Variants in ZNF536 observed in about 807,000 individuals in gnomAD.
ZNF536 encodes the protein zinc finger protein 536.
A neutral mutation model predicts 84.5 loss-of-function variants in ZNF536; 13 were observed. The ratio of observed to expected loss-of-function variants is 0.15; its 90% CI spans 0.10 to 0.24. ZNF536 has a LOEUF of 0.24. ZNF536 is among the 10% of genes least tolerant of loss of function. The pLI is 1.00. For missense variants in ZNF536, 1,536 were observed against 1,747.5 expected, an observed-to-expected ratio of 0.88 and a Z score of 2.16; for synonymous variants, 811 against 742.5, an observed-to-expected ratio of 1.09 and a Z score of -1.50.
chr19:30,303,158 G>T (rs144564858), intron 2 of ZNF536, among the ~76,000 whole-genome samples: 1 of 152,160 alleles, frequency 6.6e-6, no homozygotes, highest in Non-Finnish European at 1.5e-5. Flanking sequence ...TCTGAGGCTC[G>T]GCTGGTGTCC....
intron 1 of ZNF536, among the ~76,000 whole-genome samples, chr19:30,420,845 T>G (rs1182261655): frequency 6.6e-6 from 1 of 152,208 alleles, no homozygotes; most frequent in Non-Finnish European, 1.5e-5. Flanking sequence ...GGAGTCTTTA[T>G]CTTCAGAGGA....
chr19:30,414,734 TTAAATA>T (rs2147757228), intron 1 of ZNF536, among the ~76,000 whole-genome samples: 1 of 152,372 alleles, frequency 6.6e-6, no homozygotes, highest in East Asian at 1.9e-4. Flanking sequence ...TTATTTGAAC[TTAAATA>T]TAAATATAAA....
intron 2 of ZNF536, among the ~76,000 whole-genome samples, chr19:30,317,648 C>A (rs767107953): frequency 6.6e-6 from 1 of 152,164 alleles, no homozygotes; most frequent in African/African-American, 2.4e-5. Flanking sequence ...GCTGCTGGAG[C>A]GGGGCTGGGC....
At chr19:30,466,739 GGGAAGGAAGAAAGGAGGGAA>G (rs1402554851) in intron 2 of ZNF536, among the ~76,000 whole-genome samples, 6,480 of 122,038 alleles carry the variant, frequency 0.053, 246 homozygotes, top group African/African-American at 0.092. Flanking sequence ...GAGGGAGGGA[GGGAAGGAAGAAAGGAGGGAA>G]GGAAGGAAGG....
chr19:30,294,968 C>T (rs776679528), intron 2 of ZNF536, among the ~76,000 whole-genome samples: 2 of 152,150 alleles, frequency 1.3e-5, no homozygotes, highest in Non-Finnish European at 2.9e-5. Flanking sequence ...GAGCCTCAGG[C>T]CATTGCAGCT....
chr19:30,432,566 C>T (rs975166654), intron 1 of ZNF536, among the ~76,000 whole-genome samples: 8 of 152,092 alleles, frequency 5.3e-5, no homozygotes, highest in Non-Finnish European at 7.4e-5. Flanking sequence ...ACTTTTTCAC[C>T]ATTAAAAAGA....
chr19:30,437,680 T>G (rs561818597), intron 1 of ZNF536, among the ~76,000 whole-genome samples: 2 of 152,054 alleles, frequency 1.3e-5, no homozygotes, highest in South Asian at 4.2e-4. Context: ...ACCATGACCC[T>G]GTGCTCAGAA....
At chr19:30,664,253 TC>T (rs2050237024) in intron 1 of ZNF536, among the ~76,000 whole-genome samples, 2 of 113,068 alleles carry the variant, frequency 1.8e-5, no homozygotes, top group Non-Finnish European at 3.9e-5. Context: ...TCTCTCTCTC[TC>T]TCTCTCTCCC....
At chr19:30,626,673 G>A (rs1470783492) in intron 1 of ZNF536, among the ~76,000 whole-genome samples, 1 of 151,966 alleles carries the variant, frequency 6.6e-6, no homozygotes, top group African/African-American at 2.4e-5. Context: ...AGCACCGTGG[G>A]CCCCTGCACG....
At chr19:30,571,691 A>G (rs1442362308) in intron 1 of ZNF536, among the ~76,000 whole-genome samples, 1 of 152,058 alleles carries the variant, frequency 6.6e-6, no homozygotes, top group African/African-American at 2.4e-5. Context: ...TGATCCCAAC[A>G]TCCGGCTTCC....
At chr19:30,633,371 C>A (rs1449359566) in intron 1 of ZNF536, among the ~76,000 whole-genome samples, 1 of 152,204 alleles carries the variant, frequency 6.6e-6, no homozygotes, top group Non-Finnish European at 1.5e-5. Context: ...TTGAATTAAT[C>A]TGATTAACAT....
intron 1 of ZNF536, among the ~76,000 whole-genome samples, chr19:30,563,437 A>T (rs1430475902): frequency 6.6e-6 from 1 of 152,172 alleles, no homozygotes; most frequent in Non-Finnish European, 1.5e-5. Context: ...TTTAAAAATC[A>T]TCTCTCGTGG....
intron 1 of ZNF536, among the ~76,000 whole-genome samples, chr19:30,622,664 G>A (rs779876858): frequency 1.4e-4 from 21 of 152,186 alleles, no homozygotes; most frequent in South Asian, 4.1e-4. Context: ...TATATATGTT[G>A]TTTTACCCTC....
chr19:30,260,530 A>G (rs907981488), intron 1 of ZNF536, among the ~76,000 whole-genome samples: 1 of 152,226 alleles, frequency 6.6e-6, no homozygotes, highest in Non-Finnish European at 1.5e-5. Flanking sequence ...CCTCCGTTGC[A>G]TGTCGGCCAT....
intron 1 of ZNF536, among the ~76,000 whole-genome samples, chr19:30,373,003 A>T (rs2048669555): frequency 6.6e-6 from 1 of 152,180 alleles, no homozygotes; most frequent in Non-Finnish European, 1.5e-5. Context: ...TTTGCTTTTA[A>T]TCTGTCTCCA....
chr19:30,538,700 G>A (rs2045195622), intron 3 of ZNF536, among the ~76,000 whole-genome samples: 2 of 152,204 alleles, frequency 1.3e-5, no homozygotes, highest in Non-Finnish European at 2.9e-5. Context: ...CTGGCTCCAG[G>A]CAGGGCAGAC....
intron 1 of ZNF536, among the ~76,000 whole-genome samples, chr19:30,594,472 C>A (rs142001546): frequency 1.3e-5 from 2 of 152,184 alleles, no homozygotes; most frequent in Non-Finnish European, 2.9e-5. Flanking sequence ...ACCTGCCTGC[C>A]GCCTTTCTCC....
At chr19:30,664,419 A>G (rs762582994) in intron 1 of ZNF536, among the ~76,000 whole-genome samples, 8 of 152,142 alleles carry the variant, frequency 5.3e-5, no homozygotes, top group Non-Finnish European at 1.0e-4. Flanking sequence ...GAATCAGGCC[A>G]GGCTGCTGGA....
rs933601119 is a variant in ZNF536, at chr19:30,345,338, T to C, written c.-119-7030T>C. Among the ~76,000 whole-genome samples, 59 of 152,238 alleles carry C rather than the reference T, an allele frequency of 3.9e-4. 1 individual carries two copies. Among genetic ancestry groups the C allele is most frequent in the Admixed American group, 2.0e-4 (3 of 15,284 alleles). The stretch of plus-strand genomic sequence containing the variant: ...TTGACAGAGCTGAGCATTTTCCTCT[T>C]TGAACCAGCTATGTCTCTGTTTTAT... On this transcript the variant is annotated intron_variant, in intron 2 of 5. Transcript: ENST00000585628.
Sources: gnomAD v4.1 joint callset for allele counts (sites outside exome capture counted in the v4.1 genomes callset) on GRCh38, gnomAD v4.1.1 for gene constraint, MANE v1.5 for transcripts, NCBI Gene and HGNC (gene_info 2026-07-23, HGNC 2026-07-21) for gene names.